The following CLRN1 variants were observed in gnomAD, a reference collection of about 807,000 sequenced individuals.
The protein encoded by CLRN1 is clarin 1.
In CLRN1, 15 loss-of-function variants were observed where a neutral mutation model predicts 18.7. The ratio of observed to expected loss-of-function variants is 0.80; its 90% CI spans 0.54 to 1.23. CLRN1 has a LOEUF of 1.23. Ranked by LOEUF, CLRN1 falls within the 50% of genes most tolerant of loss-of-function variation. CLRN1 has a pLI of 0.00. For missense variants in CLRN1, 311 were observed against 277.5 expected (o/e 1.12, Z -0.86); for synonymous variants, 104 against 102.9 (o/e 1.01, Z -0.07).
At chr3:150,937,778 A>G (rs1713578609) in intron 2 of CLRN1, among the ~76,000 whole-genome samples, 1 of 152,202 alleles carries the variant, frequency 6.6e-6, no homozygotes, top group Admixed American at 6.5e-5. Context: ...TTCAAGAGGC[A>G]ACAGAATATG....
At chr3:150,929,617 T>C (rs1274145588) in intron 2 of CLRN1, among the ~76,000 whole-genome samples, 1 of 152,250 alleles carries the variant, frequency 6.6e-6, no homozygotes, top group Non-Finnish European at 1.5e-5. Context: ...GCTTTGTAAT[T>C]GACACATATA....
rs752910161 is a variant in CLRN1 at position 150,972,677 on chromosome 3, C to CA, written c.31dup (p.Cys11LeufsTer50). On this transcript the variant is annotated frameshift_variant, in exon 1 of 3. Coordinates refer to ENST00000327047, the MANE Select transcript of CLRN1 (RefSeq NM_174878.3). LOFTEE classifies it high-confidence loss of function. ...TGCAAAACTGAACACTCCGGCCATGCAAAAAATGATTTTCTTCTGTTGGCT... is the reference window on the plus strand; with the variant it reads ...TGCAAAACTGAACACTCCGGCCATGCAAAAAAATGATTTTCTTCTGTTGGCT... 4.3e-6 allele frequency: 7 copies of CA among 1,613,866 alleles called. No individual in the cohort carries two copies. In the African/African-American group the frequency reaches 8.0e-5, roughly 18 times the overall value.
intron 1 of CLRN1, among the ~76,000 whole-genome samples, chr3:150,971,515 AG>A (rs1219757924): frequency 6.6e-6 from 1 of 152,148 alleles, no homozygotes. Flanking sequence ...TATACTAGAA[AG>A]AAAAAAAAAA....
At chr3:150,951,364 G>A (rs966601386) in intron 1 of CLRN1, among the ~76,000 whole-genome samples, 1 of 152,054 alleles carries the variant, frequency 6.6e-6, no homozygotes, top group South Asian at 2.1e-4. Flanking sequence ...TTGAGACAGG[G>A]TCTCACTCCA....
intron 1 of CLRN1, among the ~76,000 whole-genome samples, chr3:150,950,730 G>C (rs1025086099): frequency 1.3e-5 from 2 of 152,224 alleles, no homozygotes; most frequent in African/African-American, 2.4e-5. Context: ...AACCACTGTG[G>C]AAAGCAGTAT....
chr3:150,943,079 A>G (rs1006918921), intron 1 of CLRN1, among the ~76,000 whole-genome samples: 8 of 152,192 alleles, frequency 5.3e-5, no homozygotes, highest in African/African-American at 1.9e-4. Context: ...AGACCCTATC[A>G]AGAACTGTCC....
chr3:150,972,544 G>C lies in CLRN1; in HGVS notation c.165C>G (p.Asp55Glu), dbSNP rs182614686. ...LLVNASGQELDKFMGEMQYGL... is the reference protein window; with the variant it reads ...LLVNASGQELEKFMGEMQYGL... ...CGTACTGCATTTCACCCATAAACTT[G>C]TCCAGCTCCTGCCCTGAGGCATTGA... Residue 55 changes from aspartate to glutamate, a missense_variant, in exon 1 of 3, where the codon GAC becomes GAG. By Grantham distance (45) the Asp-to-Glu change is conservative (BLOSUM62 2). Coordinates refer to ENST00000327047, the MANE Select transcript of CLRN1 (RefSeq NM_174878.3). 4.3e-6 allele frequency: 7 copies of C among 1,614,144 alleles called. No homozygotes were observed. The East Asian group carries it at 8.9e-5, about 21-fold the overall frequency.
intron 2 of CLRN1, among the ~76,000 whole-genome samples, chr3:150,934,026 G>C (rs1240766602): frequency 6.6e-6 from 1 of 152,060 alleles, no homozygotes; most frequent in African/African-American, 2.4e-5. Flanking sequence ...CGGCTTTGAT[G>C]ACTGGACATC....
At chr3:150,969,181 A>T (rs1223709485) in intron 1 of CLRN1, among the ~76,000 whole-genome samples, 1 of 150,376 alleles carries the variant, frequency 6.6e-6, no homozygotes, top group Non-Finnish European at 1.5e-5. Context: ...TATTTTGGAT[A>T]TCTTGGGTTT....
chr3:150,968,704 C>A (rs956904564), intron 1 of CLRN1, among the ~76,000 whole-genome samples: 1 of 152,164 alleles, frequency 6.6e-6, no homozygotes, highest in Admixed American at 6.5e-5. Flanking sequence ...AACACACATA[C>A]AAGTGTACAG....
intron 1 of CLRN1, among the ~76,000 whole-genome samples, chr3:150,949,455 A>T (rs1410527624): frequency 1.3e-5 from 2 of 152,118 alleles, no homozygotes; most frequent in African/African-American, 4.8e-5. Flanking sequence ...ATATCTAAAA[A>T]ACCCCCTAGT....
chr3:150,958,457 C>T (rs1710920588), intron 1 of CLRN1, among the ~76,000 whole-genome samples: 1 of 152,228 alleles, frequency 6.6e-6, no homozygotes, highest in South Asian at 2.1e-4. Context: ...ATGTTGCCTA[C>T]AAGATAGACT....
intron 1 of CLRN1, among the ~76,000 whole-genome samples, chr3:150,967,437 G>A (rs1430533175): frequency 6.6e-6 from 1 of 152,016 alleles, no homozygotes; most frequent in Non-Finnish European, 1.5e-5. Flanking sequence ...TTGCTGGACT[G>A]TTTTAATAGG....
chr3:150,930,205 CAGA>C lies in CLRN1; in HGVS notation c.434-2007_434-2005del, dbSNP rs555713322. 8.7e-4 allele frequency among the ~76,000 whole-genome samples: 132 copies of C among 152,112 alleles called. 1 individual carries two copies. The highest frequency in any genetic ancestry group is 1.4e-3 in the Non-Finnish European group (96 of 68,000). On this transcript the variant is annotated intron_variant, in intron 2 of 2. Transcript: ENST00000327047. ...TTATGGAAGGTTCCTTAGAAGTAGC[CAGA>C]AGGAGCTATAGGAAAAGTTAGCTGA...
intron 2 of CLRN1, among the ~76,000 whole-genome samples, chr3:150,929,179 G>A (rs1712993761): frequency 6.6e-6 from 1 of 152,158 alleles, no homozygotes; most frequent in African/African-American, 2.4e-5. Context: ...TCACTCATTG[G>A]TAGCCTAATT....
chr3:150,946,309 C>G (rs988468854), intron 1 of CLRN1, among the ~76,000 whole-genome samples: 4 of 152,172 alleles, frequency 2.6e-5, no homozygotes, highest in Non-Finnish European at 4.4e-5. Flanking sequence ...AGGCATGTAC[C>G]ATGACCAAGA....
At chr3:150,960,241 G>T (rs1273979584) in intron 1 of CLRN1, among the ~76,000 whole-genome samples, 1 of 152,182 alleles carries the variant, frequency 6.6e-6, no homozygotes, top group African/African-American at 2.4e-5. Flanking sequence ...TAAATTTTAA[G>T]TAATTGTCTA....
Position 150,926,747 on chromosome 3 carries a change from C to T in CLRN1, c.*1189G>A, listed in dbSNP as rs746249227. 6 of 1,589,256 alleles carry T rather than the reference C, an allele frequency of 3.8e-6. No individual in the cohort carries two copies. Among genetic ancestry groups the T allele is most frequent in the Non-Finnish European group, 4.3e-6 (5 of 1,158,348 alleles). Reference sequence around the variant, plus strand: ...ATGAGGGCTGCTGAGTACTCAGCACCTGTGGTCAGAGGCCTAGTGATCTGT... The same window carrying T: ...ATGAGGGCTGCTGAGTACTCAGCACTTGTGGTCAGAGGCCTAGTGATCTGT... On this transcript the variant is annotated 3_prime_UTR_variant, in exon 3 of 3. Transcript: ENST00000327047.
chr3:150,940,344 A>C, intron 2 of CLRN1: 1 of 670,524 alleles, frequency 1.5e-6, no homozygotes, highest in Non-Finnish European at 2.3e-6. Flanking sequence ...CACAAGTAAC[A>C]ATGAACAGAG....
Sources: allele counts gnomAD v4.1 joint callset (sites outside exome capture counted in the v4.1 genomes callset), GRCh38; gene constraint gnomAD v4.1.1; transcripts MANE v1.5; gene names NCBI Gene and HGNC (gene_info 2026-07-23, HGNC 2026-07-21).